The following ENPP3 variants were observed in gnomAD, a reference collection of about 807,000 sequenced individuals.
The protein encoded by ENPP3 is ectonucleotide pyrophosphatase/phosphodiesterase 3, also known as ectonucleotide pyrophosphatase/phosphodiesterase family member 3.
A neutral mutation model predicts 117.8 loss-of-function variants in ENPP3; 104 were observed. The ratio of observed to expected loss-of-function variants is 0.88; its 90% CI spans 0.75 to 1.04. ENPP3 has a LOEUF of 1.04. ENPP3 is among the 50% of genes least tolerant of loss of function. The pLI is 0.00. For missense variants in ENPP3, 1,026 were observed against 1,051.9 expected (o/e 0.98, Z 0.34); for synonymous variants, 380 against 349.9 (o/e 1.09, Z -0.96).
chr6:131,701,497 G>A (rs1335333734), intron 15 of ENPP3: 16 of 598,238 alleles, frequency 2.7e-5, no homozygotes, highest in Non-Finnish European at 4.2e-5. Context: ...CTTTGGTGAA[G>A]TAGAAAAGTG....
At chr6:131,697,138 GGAA>G (rs1171122892) in intron 15 of ENPP3, among the ~76,000 whole-genome samples, 1 of 152,178 alleles carries the variant, frequency 6.6e-6, no homozygotes, top group Non-Finnish European at 1.5e-5. Context: ...GTTTCCAGAT[GGAA>G]GAACTAGATT....
At chr6:131,641,197 A>G (rs950866741) in intron 1 of ENPP3, among the ~76,000 whole-genome samples, 3 of 152,144 alleles carry the variant, frequency 2.0e-5, no homozygotes, top group Non-Finnish European at 4.4e-5. Context: ...TTGCATTTGA[A>G]TGGTAAATGT....
At chr6:131,697,272 G>C (rs1356496441) in intron 15 of ENPP3, among the ~76,000 whole-genome samples, 2 of 152,106 alleles carry the variant, frequency 1.3e-5, no homozygotes. Context: ...AAAGTAGGCT[G>C]TTGGTAGATA....
intron 8 of ENPP3, chr6:131,674,488 A>G (rs1778822285): frequency 3.4e-6 from 2 of 580,026 alleles, no homozygotes; most frequent in Admixed American, 5.6e-5. Flanking sequence ...TTAAACTTGG[A>G]TATTGGGTTA....
intron 21 of ENPP3, among the ~76,000 whole-genome samples, chr6:131,735,640 A>AT (rs1780380640): frequency 6.6e-6 from 1 of 152,214 alleles, no homozygotes; most frequent in African/African-American, 2.4e-5. Flanking sequence ...CAGTTTAAGT[A>AT]TAAAAAGTAT....
rs1780653432 is a variant in ENPP3 at position 131,747,096 on chromosome 6, C to T, written c.*140C>T. On this transcript the variant is annotated 3_prime_UTR_variant, in exon 25 of 25. Transcript: ENST00000357639. Reference sequence around the variant, plus strand: ...CTAAAAGCCATAATTTTTATTATTCCTTTTTCTCTTTTTTCAATTCTATGA... The same window carrying T: ...CTAAAAGCCATAATTTTTATTATTCTTTTTTCTCTTTTTTCAATTCTATGA... The T allele has an allele frequency of 8.4e-6, 4 of 477,956 alleles. No homozygotes were observed. Among genetic ancestry groups the T allele is most frequent in the Admixed American group, 3.9e-5 (1 of 25,408 alleles). The allele number at this position is 477,956 out of a possible 1,614,324, so 29.6% of individuals were successfully genotyped here.
chr6:131,738,284 A>G, intron 23 of ENPP3, 121 bp downstream of exon 23: 1 of 795,108 alleles, frequency 1.3e-6, no homozygotes. Context: ...GTTATTGTTG[A>G]CTATTTTCAA....
intron 2 of ENPP3, among the ~76,000 whole-genome samples, chr6:131,649,291 A>G (rs756952506): frequency 6.6e-6 from 1 of 152,050 alleles, no homozygotes; most frequent in Non-Finnish European, 1.5e-5. Context: ...TTACTCTTTA[A>G]TGGCTTCCTG....
At chr6:131,723,578 G>T (rs1780081946) in intron 18 of ENPP3, among the ~76,000 whole-genome samples, 2 of 152,056 alleles carry the variant, frequency 1.3e-5, no homozygotes, top group African/African-American at 2.4e-5. Context: ...TTCAGAGTGT[G>T]GTCTCAGGAC....
At chr6:131,732,939 G>C (rs1780317923) in intron 20 of ENPP3, among the ~76,000 whole-genome samples, 2 of 151,752 alleles carry the variant, frequency 1.3e-5, no homozygotes, top group South Asian at 4.2e-4. Context: ...ATGTTGGCTA[G>C]GCTGGTCTTG....
chr6:131,735,463 A>G (rs1469063506), intron 21 of ENPP3, among the ~76,000 whole-genome samples: 17 of 152,108 alleles, frequency 1.1e-4, no homozygotes, highest in Admixed American at 1.1e-3. Context: ...CTCTCATTGA[A>G]TAATTAGTTA....
At chr6:131,644,069 GC>G (rs1778108772) in intron 2 of ENPP3, among the ~76,000 whole-genome samples, 1 of 151,980 alleles carries the variant, frequency 6.6e-6, no homozygotes, top group East Asian at 1.9e-4. Flanking sequence ...AAGTGCAAAG[GC>G]CAAAGGCAGG....
chr6:131,693,597 T>C lies in ENPP3; in HGVS notation c.1385T>C (p.Phe462Ser), dbSNP rs1779338857. The C allele has an allele frequency of 6.2e-7, 1 of 1,613,766 alleles. No individual in the cohort carries two copies. The highest frequency in any genetic ancestry group is 8.5e-7 in the Non-Finnish European group (1 of 1,179,906). The change falls in exon 15 of 25, where the codon TTT becomes TCT. Residue 462 changes from phenylalanine (F) to serine (S), a missense_variant. Phe to Ser is a radical substitution (Grantham distance 155). Transcript: ENST00000357639. ...KNVRIDKVHL[F>S]VDQQWLAVRS... ...GTCAGAATCGACAAAGTTCATCTCT[T>C]TGTGGATCAACAGTGGCTGGCTGTT...
chr6:131,679,528 T>C (rs1449310124), intron 11 of ENPP3, among the ~76,000 whole-genome samples: 1 of 148,274 alleles, frequency 6.7e-6, no homozygotes, highest in African/African-American at 2.6e-5. Context: ...TTTTTTTTTT[T>C]CCATTCAGTG....
intron 6 of ENPP3, among the ~76,000 whole-genome samples, chr6:131,663,749 G>A (rs1778555396): frequency 6.6e-6 from 1 of 151,378 alleles, no homozygotes. Flanking sequence ...TAATGTCATA[G>A]TGCAATGCAT....
intron 7 of ENPP3, among the ~76,000 whole-genome samples, chr6:131,672,455 G>A (rs906621879): frequency 6.6e-6 from 1 of 152,002 alleles, no homozygotes; most frequent in African/African-American, 2.4e-5. Flanking sequence ...GAGTGATAGT[G>A]AACCAACAAT....
chr6:131,659,913 G>A (rs58262979), intron 6 of ENPP3, among the ~76,000 whole-genome samples: 10,788 of 152,232 alleles, frequency 0.071, 787 homozygotes, highest in African/African-American at 0.18. Flanking sequence ...GAAATTCCTC[G>A]ATTTGCTCAT....
chr6:131,727,617 A>G (rs926508924), intron 20 of ENPP3, among the ~76,000 whole-genome samples: 10 of 152,022 alleles, frequency 6.6e-5, no homozygotes, highest in African/African-American at 2.4e-4. Flanking sequence ...AGTCAGTCCA[A>G]ACACTTCTCT....
intron 11 of ENPP3, among the ~76,000 whole-genome samples, chr6:131,678,452 A>G (rs1778919433): frequency 6.6e-6 from 1 of 152,192 alleles, no homozygotes; most frequent in Non-Finnish European, 1.5e-5. Flanking sequence ...GAGTTTATTC[A>G]TTATCTAGGC....
Sources: gnomAD v4.1 joint callset for allele counts (sites outside exome capture counted in the v4.1 genomes callset) on GRCh38, gnomAD v4.1.1 for gene constraint, MANE v1.5 for transcripts, NCBI Gene and HGNC (gene_info 2026-07-23, HGNC 2026-07-21) for gene names.